LTN1: variants seen among roughly 807,000 people sequenced by gnomAD.
LTN1 encodes listerin E3 ubiquitin protein ligase 1.
LTN1 carries 88 observed loss-of-function variants against 201.2 expected under a neutral mutation model. The ratio of observed to expected loss-of-function variants is 0.44; its 90% CI spans 0.37 to 0.52. LTN1 has a LOEUF of 0.52. Ranked by LOEUF, LTN1 falls within the 20% of genes least tolerant of loss-of-function variation. The pLI is 0.00. For missense variants in LTN1, 1,752 were observed against 2,038.7 expected (o/e 0.86, Z 2.71); for synonymous variants, 645 against 713.5 (o/e 0.90, Z 1.53).
intron 9 of LTN1, among the ~76,000 whole-genome samples, chr21:28,968,999 TCAC>T (rs946702951): frequency 2.0e-5 from 3 of 151,578 alleles, no homozygotes; most frequent in Non-Finnish European, 4.4e-5. Context: ...GGCGGGTAGA[TCAC>T]CTGAGGTCAG....
intron 6 of LTN1, among the ~76,000 whole-genome samples, chr21:28,977,146 G>T (rs1255677130): frequency 6.6e-6 from 1 of 152,166 alleles, no homozygotes; most frequent in Admixed American, 6.5e-5. Flanking sequence ...GGCCGAGGCA[G>T]GTGGATCACC....
At chr21:28,980,401 G>A (rs914392564) in intron 6 of LTN1, among the ~76,000 whole-genome samples, 10 of 105,442 alleles carry the variant, frequency 9.5e-5, no homozygotes, top group African/African-American at 3.3e-4. Flanking sequence ...GGTGGGGTGG[G>A]GGGAGGGGGG....
At position 28,935,219 on chromosome 21, in the gene LTN1, GCTT is replaced by G. The variant is rs1430393365; in HGVS notation, c.4762_4764del (p.Lys1588del). 6.2e-7 allele frequency: 1 copy of G among 1,612,258 alleles called. No homozygotes were observed. Among genetic ancestry groups the G allele is most frequent in the African/African-American group, 1.3e-5 (1 of 74,870 alleles). ...AATCTATCCACAATATTGAAAACAC[GCTT>G]CTCACTGCTATTCCACCACAACCTA... On this transcript the variant is annotated inframe_deletion, in exon 27 of 30. Coordinates refer to ENST00000361371, the MANE Select transcript of LTN1 (RefSeq NM_015565.3).
Position 28,983,448 on chromosome 21 carries a change from T to A in LTN1, c.577-1080A>T, listed in dbSNP as rs574121343. On this transcript the variant is annotated intron_variant, in intron 4 of 29. Transcript: ENST00000361371. Reference sequence around the variant, plus strand: ...CTACAGATGGGTTAGAAAACTCCATTTGAGCATATGATTAAAGCTACAAAC... The same window carrying A: ...CTACAGATGGGTTAGAAAACTCCATATGAGCATATGATTAAAGCTACAAAC... Among the ~76,000 whole-genome samples the A allele has an allele frequency of 1.5e-4, 23 of 152,312 alleles. No homozygotes were observed. The South Asian group carries it at 4.8e-3, about 32-fold the overall frequency.
chr21:28,988,758 G>C (rs535486473), intron 1 of LTN1, among the ~76,000 whole-genome samples: 37 of 151,782 alleles, frequency 2.4e-4, no homozygotes. Context: ...CTGAGATCAG[G>C]AGTTCAAGAC....
chr21:28,942,512 G>C (rs2084305099), intron 24 of LTN1, among the ~76,000 whole-genome samples: 1 of 152,142 alleles, frequency 6.6e-6, no homozygotes, highest in African/African-American at 2.4e-5. Flanking sequence ...AGAAATAAGA[G>C]AGAGAAATTC....
rs1285171300 is a variant in LTN1 at position 28,988,155 on chromosome 21, AAC to A, written c.43-1223_43-1222del. ...AGACTCTGTCTCAAAAAAAAAAAAA[AAC>A]AACAAAAAAAAACAAATTGCTCATA... On this transcript the variant is annotated intron_variant, in intron 1 of 29. Coordinates refer to ENST00000361371, the MANE Select transcript of LTN1 (RefSeq NM_015565.3). 3.2e-4 allele frequency among the ~76,000 whole-genome samples: 40 copies of A among 125,254 alleles called. 1 individual carries two copies. Among genetic ancestry groups the A allele is most frequent in the South Asian group, 7.7e-4 (3 of 3,892 alleles). The allele number at this position is 125,254 out of a possible 152,430, so 82.2% of individuals were successfully genotyped here.
rs1422683055 is a variant in LTN1, at chr21:28,984,862, C to T, written c.406G>A (p.Val136Ile). The change falls in exon 4 of 30, where the codon GTA becomes ATA. Residue 136 changes from valine (V) to isoleucine (I), a missense_variant. Around this residue, in one of 3 missense-constraint regions of LTN1, gnomAD observed 280 missense variants for 375.7 expected, o/e 0.75. Transcript: ENST00000361371. ...AAGTAGGGAGCCAACTGTTTCTTTA[C>T]TTTAAGGATAAGTTTTTCAAAAGCT... ...QQAFEKLILK[V>I]KKQLAPYLKS... The T allele has an allele frequency of 5.6e-6, 9 of 1,614,068 alleles. No homozygotes were observed. The highest frequency in any genetic ancestry group is 7.6e-6 in the Non-Finnish European group (9 of 1,179,982).
At chr21:28,955,522 G>C (rs1270590520) in intron 16 of LTN1, among the ~76,000 whole-genome samples, 1 of 152,034 alleles carries the variant, frequency 6.6e-6, no homozygotes, top group Non-Finnish European at 1.5e-5. Context: ...ATTTGCTGCA[G>C]CACTATTCAC....
chr21:28,953,249 A>G lies in LTN1; in HGVS notation c.3207T>C (p.Asn1069=), dbSNP rs150816611. The G allele has an allele frequency of 6.3e-7, 1 of 1,586,220 alleles. No homozygotes were observed. Among genetic ancestry groups the G allele is most frequent in the African/African-American group, 1.4e-5 (1 of 73,130 alleles). Residue 1069 remains asparagine, a synonymous_variant, in exon 17 of 30, where the codon AAT becomes AAC. Coordinates refer to ENST00000361371, the MANE Select transcript of LTN1 (RefSeq NM_015565.3). ...ITYDNLRVLG[N]TSGLLQLLFN... is the part of the protein sequence containing the mutation. ...ATAACAGCTGCAAAAGGCCCGACGTATTACCAAGTACACGTAAGTTATCAT... is the reference window on the plus strand; with the variant it reads ...ATAACAGCTGCAAAAGGCCCGACGTGTTACCAAGTACACGTAAGTTATCAT...
rs562472189 is a variant in LTN1 at position 28,932,341 on chromosome 21, T to C, written c.5070+129A>G. ...TTTAATCCATTTAGGCATATCTCTGTATTTATCCAAGGAAGTTTAATATCT... is the reference window on the plus strand; with the variant it reads ...TTTAATCCATTTAGGCATATCTCTGCATTTATCCAAGGAAGTTTAATATCT... On this transcript the variant is annotated intron_variant, in intron 28 of 29. Coordinates refer to ENST00000361371, the MANE Select transcript of LTN1 (RefSeq NM_015565.3). 75 of 771,136 alleles carry C rather than the reference T, an allele frequency of 9.7e-5. 1 individual carries two copies. Among genetic ancestry groups the C allele is most frequent in the South Asian group, 2.9e-4 (19 of 64,872 alleles). 47.8% of individuals were successfully genotyped at this position (771,136 alleles called of 1,614,324 possible). A position where few individuals can be genotyped will look rare whatever the true frequency, so the allele number is the denominator to read the frequency against.
chr21:28,943,796 G>T lies in LTN1; in HGVS notation c.4091C>A (p.Pro1364His). ...TTTTTGGTCAGCAACTAATCTTGCA[G>T]GAAGTTTGTGACTCAATAGCTGTTC... ...SKEQLLSHKL[P>H]ARLVADQKTN... Residue 1364 changes from proline to histidine, a missense_variant, in exon 23 of 30, where the codon CCT becomes CAT. Physicochemically the swap from Pro to His is moderately conservative, Grantham distance 77. Around this residue, in one of 3 missense-constraint regions of LTN1, gnomAD observed 1,211 missense variants for 1,312.8 expected, o/e 0.92. Coordinates refer to ENST00000361371, the MANE Select transcript of LTN1 (RefSeq NM_015565.3). 5 of 1,613,726 alleles carry T rather than the reference G, an allele frequency of 3.1e-6. No homozygotes were observed. The Admixed American group carries it at 8.3e-5, about 27-fold the overall frequency.
chr21:28,991,975 T>C (rs944630717), intron 1 of LTN1, among the ~76,000 whole-genome samples: 2 of 152,244 alleles, frequency 1.3e-5, no homozygotes, highest in African/African-American at 4.8e-5. Context: ...GAGCGTCTAT[T>C]AGGTGCCAGT....
Position 28,944,430 on chromosome 21 carries a change from G to A in LTN1, c.3935C>T (p.Ser1312Phe). Residue 1312 changes from serine to phenylalanine, a missense_variant, in exon 22 of 30, where the codon TCC becomes TTC. Physicochemically the swap from Ser to Phe is radical, Grantham distance 155. Coordinates refer to ENST00000361371, the MANE Select transcript of LTN1 (RefSeq NM_015565.3). ...NLISEWKEFFSQGIHSLLLPI... is the reference protein window; with the variant it reads ...NLISEWKEFFFQGIHSLLLPI... Reference sequence around the variant, plus strand: ...TAAAAGCAAACTGTGGATGCCTTGGGAAAAAAATTCTTTCCATTCACTGAT... The same window carrying A: ...TAAAAGCAAACTGTGGATGCCTTGGAAAAAAAATTCTTTCCATTCACTGAT... 1 of 1,613,860 alleles carries A rather than the reference G, an allele frequency of 6.2e-7. No individual in the cohort carries two copies. Among genetic ancestry groups the A allele is most frequent in the Middle Eastern group, 1.6e-4 (1 of 6,062 alleles).
intron 18 of LTN1, 117 bp from the exon 19 acceptor site, chr21:28,947,723 T>C (rs2084349646): frequency 1.7e-6 from 1 of 598,282 alleles, no homozygotes; most frequent in Non-Finnish European, 2.6e-6. Flanking sequence ...CACATATAAT[T>C]ACATAAAAAG....
chr21:28,952,741 C>T (rs557174336), intron 17 of LTN1, among the ~76,000 whole-genome samples: 3 of 152,294 alleles, frequency 2.0e-5, no homozygotes, highest in African/African-American at 7.2e-5. Context: ...GTGATAAACT[C>T]CTAAAAAGAA....
chr21:28,985,882 A>G (rs562527150), intron 3 of LTN1, among the ~76,000 whole-genome samples: 4 of 152,096 alleles, frequency 2.6e-5, no homozygotes, highest in Non-Finnish European at 5.9e-5. Context: ...GCTGGTCTCA[A>G]ACTCCTGACC....
At position 28,986,359 on chromosome 21, in the gene LTN1, A is replaced by G; in HGVS notation, c.247-122T>C. ...AGAATACACTATTTCTCTTTATGCC[A>G]TATGAGACTAGTTTGAAGAGCTCTT... On this transcript the variant is annotated intron_variant, in intron 2 of 29. Coordinates refer to ENST00000361371, the MANE Select transcript of LTN1 (RefSeq NM_015565.3). This position sits in a 1 kb window ranked among gnomAD's most constrained non-coding sequence, Gnocchi z 4.1. The G allele has an allele frequency of 2.8e-6, 2 of 708,228 alleles. No individual in the cohort carries two copies. Among genetic ancestry groups the G allele is most frequent in the Non-Finnish European group, 2.5e-6 (1 of 402,058 alleles). The allele number at this position is 708,228 out of a possible 1,614,324, so 43.9% of individuals were successfully genotyped here.
intron 25 of LTN1, 28 bp downstream of exon 25, chr21:28,941,192 T>G: frequency 6.5e-7 from 1 of 1,543,562 alleles, no homozygotes; most frequent in Non-Finnish European, 8.9e-7. Context: ...AGGACAGAAC[T>G]ATCGAAAGTT....
Sources: gnomAD v4.1 joint callset for allele counts (sites outside exome capture counted in the v4.1 genomes callset) on GRCh38, gnomAD v4.1.1 for gene constraint, gnomAD v4.1.1 regional missense constraint, Gnocchi (gnomAD v3.1) non-coding constraint, MANE v1.5 for transcripts, NCBI Gene and HGNC (gene_info 2026-07-23, HGNC 2026-07-21) for gene names.